Variants in WDR41 observed in about 807,000 individuals in gnomAD.
WDR41 encodes the protein WD repeat domain 41.
Under a neutral mutation model 69.3 loss-of-function variants are expected in WDR41, and 63 were observed. The ratio of observed to expected loss-of-function variants is 0.91; its 90% CI spans 0.74 to 1.12. WDR41 has a LOEUF of 1.12. Ranked by LOEUF, WDR41 falls within the 50% of genes most tolerant of loss-of-function variation. The pLI is 0.00. For synonymous variants in WDR41, 185 were observed against 192.1 expected, an observed-to-expected ratio of 0.96 and a Z score of 0.31; for missense variants, 543 against 534.5, an observed-to-expected ratio of 1.02 and a Z score of -0.16.
At chr5:77,487,310 G>GC (rs1218910177) in intron 2 of WDR41, among the ~76,000 whole-genome samples, 1 of 152,058 alleles carries the variant, frequency 6.6e-6, no homozygotes, top group Non-Finnish European at 1.5e-5. Flanking sequence ...AAAATATAGC[G>GC]CAAGAAAACT....
intron 7 of WDR41, 53 bp downstream of exon 7, chr5:77,451,238 T>C (rs941317588): frequency 1.9e-6 from 3 of 1,541,702 alleles, no homozygotes; most frequent in African/African-American, 1.4e-5. Flanking sequence ...CCTTCCAGCA[T>C]GTGTATACAA....
chr5:77,547,224 C>T (rs747771872), intron 1 of WDR41, among the ~76,000 whole-genome samples: 2 of 151,960 alleles, frequency 1.3e-5, no homozygotes, highest in Non-Finnish European at 2.9e-5. Flanking sequence ...GACAGGGATG[C>T]CCACTCTCAC....
intron 1 of WDR41, among the ~76,000 whole-genome samples, chr5:77,528,749 A>T (rs1802483688): frequency 6.6e-6 from 1 of 151,656 alleles, no homozygotes; most frequent in Non-Finnish European, 1.5e-5. Context: ...AATCCATAAA[A>T]TTCAGAGCAT....
At position 77,558,127 on chromosome 5, in the gene WDR41, G is replaced by A. The variant is rs116139997; in HGVS notation, c.42+62352C>T. On this transcript the variant is annotated intron_variant, in intron 1 of 5. Transcript: ENST00000509971. ...AAAAAAAAAAAAAAACAAAACAGGA[G>A]TAGGTATGTAGGTAATCGTTAAAAT... 2.7e-3 allele frequency among the ~76,000 whole-genome samples: 356 copies of A among 130,212 alleles called. 5 individuals carry two copies. Among genetic ancestry groups the A allele is most frequent in the Middle Eastern group, 4.3e-3 (1 of 234 alleles). 85.4% of individuals were successfully genotyped at this position (130,212 alleles called of 152,430 possible).
At chr5:77,460,045 T>C (rs1799985125) in intron 4 of WDR41, among the ~76,000 whole-genome samples, 2 of 152,150 alleles carry the variant, frequency 1.3e-5, no homozygotes, top group South Asian at 4.1e-4. Context: ...CAGTACACTG[T>C]AGAGTAAGGC....
intron 1 of WDR41, among the ~76,000 whole-genome samples, chr5:77,535,904 A>G (rs1742963871): frequency 6.6e-6 from 1 of 152,204 alleles, no homozygotes; most frequent in African/African-American, 2.4e-5. Flanking sequence ...TGAGAAATTT[A>G]CAGTGCATAT....
rs574033899 is a variant in WDR41, at chr5:77,436,337, T to G, written c.1151A>C (p.Lys384Thr). The stretch of plus-strand genomic sequence containing the variant: ...TGAAGTAGCATTTTCTTGCTGCTTT[T>G]TAACAGGTTGGCTGGCTTGTTTGCT... ...RVSKQASQPV[K>T]KQQENATSCS... Residue 384 changes from lysine (K) to threonine (T), a missense_variant, in exon 12 of 13, where the codon AAA (lysine) becomes ACA (threonine). By Grantham distance (78) the Lys-to-Thr change is moderately conservative. Coordinates refer to ENST00000296679, the MANE Select transcript of WDR41 (RefSeq NM_018268.4). 7.4e-6 allele frequency: 12 copies of G among 1,614,136 alleles called. No homozygotes were observed. Among genetic ancestry groups the G allele is most frequent in the Middle Eastern group, 1.6e-4 (1 of 6,062 alleles).
intron 1 of WDR41, chr5:77,499,391 C>G (rs562791659): frequency 6.6e-6 from 1 of 152,232 alleles, no homozygotes; most frequent in Non-Finnish European, 1.5e-5. Flanking sequence ...TGCAGGAATC[C>G]TCTGGGTCTT....
intron 1 of WDR41, among the ~76,000 whole-genome samples, chr5:77,501,505 C>T (rs1406102239): frequency 6.6e-6 from 1 of 152,258 alleles, no homozygotes; most frequent in East Asian, 1.9e-4. Context: ...CCCTGTCTGA[C>T]AGCTCTGAAG....
Position 77,447,084 on chromosome 5 carries a change from A to C in WDR41, c.697+2676T>G, listed in dbSNP as rs553490084. Among the ~76,000 whole-genome samples, 3 of 152,348 alleles carry C rather than the reference A, an allele frequency of 2.0e-5. No individual in the cohort carries two copies. In the East Asian group the frequency reaches 5.8e-4, roughly 29 times the overall value. On this transcript the variant is annotated intron_variant, in intron 8 of 12. Transcript: ENST00000296679. Reference sequence around the variant, plus strand: ...AGGAACTTAAATTTACAAGAAAAAAACAACCCCATCAAAAAGTGGGCAAAA... The same window carrying C: ...AGGAACTTAAATTTACAAGAAAAAACCAACCCCATCAAAAAGTGGGCAAAA...
At chr5:77,443,558 C>T (rs1377598696) in intron 8 of WDR41, among the ~76,000 whole-genome samples, 1 of 152,128 alleles carries the variant, frequency 6.6e-6, no homozygotes, top group Admixed American at 6.5e-5. Context: ...TGGAGCAAAA[C>T]GGGCTTCTAG....
chr5:77,453,762 T>A, intron 6 of WDR41, 55 bp downstream of exon 6: 1 of 1,393,710 alleles, frequency 7.2e-7, no homozygotes, highest in South Asian at 1.2e-5. Flanking sequence ...TCTGAAGATC[T>A]GCTGTGTCTT....
At chr5:77,433,623 C>T (rs560798523) in intron 12 of WDR41, among the ~76,000 whole-genome samples, 1 of 152,208 alleles carries the variant, frequency 6.6e-6, no homozygotes, top group African/African-American at 2.4e-5. Flanking sequence ...GAAAAAATGT[C>T]TGAATTCTAA....
chr5:77,436,182 A>T, intron 12 of WDR41, 79 bp downstream of exon 12: 1 of 1,543,206 alleles, frequency 6.5e-7, no homozygotes, highest in Non-Finnish European at 8.8e-7. Context: ...ATATGCCTTT[A>T]TGAGATCAAC....
At chr5:77,453,687 C>G in intron 6 of WDR41, 130 bp downstream of exon 6, 1 of 666,226 alleles carries the variant, frequency 1.5e-6, no homozygotes, top group Non-Finnish European at 2.6e-6. Context: ...ATATGGCTAC[C>G]TGTTATCTTC....
rs1270633940 is a variant in WDR41 at position 77,464,750 on chromosome 5, T to TC, written c.216+10dup. ...TCTTTATCACACAATCCACACATAATCAATACACACCTGGGCATTCCACAC... is the reference window on the plus strand; with the variant it reads ...TCTTTATCACACAATCCACACATAATCCAATACACACCTGGGCATTCCACAC... On this transcript the variant is annotated intron_variant, in intron 3 of 12. Transcript: ENST00000296679. 6.2e-7 allele frequency: 1 copy of TC among 1,613,360 alleles called. No homozygotes were observed. Among genetic ancestry groups the TC allele is most frequent in the South Asian group, 1.1e-5 (1 of 91,046 alleles).
At chr5:77,447,446 A>G (rs548827893) in intron 8 of WDR41, among the ~76,000 whole-genome samples, 26 of 152,322 alleles carry the variant, frequency 1.7e-4, no homozygotes, top group Non-Finnish European at 3.5e-4. Context: ...CAATCATTCT[A>G]CTACAAAGAC....
At chr5:77,604,224 C>T (rs2112328936) in intron 1 of WDR41, among the ~76,000 whole-genome samples, 1 of 152,236 alleles carries the variant, frequency 6.6e-6, no homozygotes, top group East Asian at 1.9e-4. Flanking sequence ...TGTCTTTCCA[C>T]TTGTTTATAT....
At chr5:77,599,197 CTTT>C (rs34759217) in intron 1 of WDR41, among the ~76,000 whole-genome samples, 3 of 76,186 alleles carry the variant, frequency 3.9e-5, no homozygotes, top group Non-Finnish European at 4.7e-5. Flanking sequence ...ATCGGAAGCT[CTTT>C]TTTTTTTTTT....
Sources: allele counts gnomAD v4.1 joint callset (sites outside exome capture counted in the v4.1 genomes callset), GRCh38; gene constraint gnomAD v4.1.1; transcripts MANE v1.5; gene names NCBI Gene and HGNC (gene_info 2026-07-23, HGNC 2026-07-21).